The following ZNF106 variants were observed in gnomAD, a reference collection of about 807,000 sequenced individuals.
The protein encoded by ZNF106 is zinc finger protein 106, also known as SH3-domain binding protein 3.
Under a neutral mutation model 195.1 loss-of-function variants are expected in ZNF106, and 67 were observed. The observed-to-expected ratio is 0.34, with a 90% CI of 0.28 to 0.42. ZNF106 has a LOEUF of 0.42. Ranked by LOEUF, ZNF106 falls within the 10% of genes least tolerant of loss-of-function variation. The probability of loss-of-function intolerance (pLI) is 1.00; values close to 1 mark genes in which losing one functional copy is unlikely to be tolerated. For missense variants in ZNF106, 2,118 were observed against 2,304.5 expected, an observed-to-expected ratio of 0.92 and a Z score of 1.66; for synonymous variants, 784 against 818.6, an observed-to-expected ratio of 0.96 and a Z score of 0.72.
chr15:42,446,199 A>G (rs1289569656), intron 7 of ZNF106, among the ~76,000 whole-genome samples: 1 of 152,234 alleles, frequency 6.6e-6, no homozygotes, highest in Non-Finnish European at 1.5e-5. Flanking sequence ...GGCAACAAAA[A>G]TGTCCAAAAA....
Position 42,472,778 on chromosome 15 carries a change from G to A in ZNF106, c.-32-457C>T, listed in dbSNP as rs769891028. 3.9e-5 allele frequency among the ~76,000 whole-genome samples: 6 copies of A among 152,096 alleles called. 1 individual carries two copies. Among genetic ancestry groups the A allele is most frequent in the Non-Finnish European group, 7.4e-5 (5 of 68,026 alleles). ...TGTAATCCCAGCATTTTGGGAGGCCGACGCGGGCAGATCACGAGGTCAGGA... is the reference window on the plus strand; with the variant it reads ...TGTAATCCCAGCATTTTGGGAGGCCAACGCGGGCAGATCACGAGGTCAGGA... On this transcript the variant is annotated intron_variant, in intron 1 of 21. Transcript: ENST00000564754.
At chr15:42,486,257 CCTT>C (rs2057014395) in intron 1 of ZNF106, among the ~76,000 whole-genome samples, 1 of 151,924 alleles carries the variant, frequency 6.6e-6, no homozygotes, top group Non-Finnish European at 1.5e-5. Flanking sequence ...CGCGCCCAGC[CCTT>C]CTTTTTTTTT....
At chr15:42,459,697 A>T (rs1323498548) in intron 3 of ZNF106, among the ~76,000 whole-genome samples, 2 of 152,080 alleles carry the variant, frequency 1.3e-5, no homozygotes, top group Non-Finnish European at 2.9e-5. Flanking sequence ...AATCTACAAT[A>T]TCTCATTTAC....
chr15:42,426,551 T>C (rs57502147), intron 15 of ZNF106, among the ~76,000 whole-genome samples: 53,489 of 148,640 alleles, frequency 0.36, 12,454 homozygotes, highest in African/African-American at 0.66. Flanking sequence ...AGGCGTGTGC[T>C]ACCATACTTA....
At chr15:42,425,812 T>C (rs1347942544) in intron 15 of ZNF106, 2 of 152,258 alleles carry the variant, frequency 1.3e-5, no homozygotes, top group Non-Finnish European at 2.9e-5. Flanking sequence ...CTTATTATGA[T>C]GTTCTTCTGG....
intron 11 of ZNF106, 123 bp downstream of exon 11, chr15:42,438,909 CA>C (rs1477603379): frequency 4.5e-5 from 51 of 1,142,246 alleles, no homozygotes; most frequent in Non-Finnish European, 5.8e-5. Context: ...TCCATATCCA[CA>C]ATCTCTACTG....
At chr15:42,464,522 C>CT (rs928173954) in intron 3 of ZNF106, among the ~76,000 whole-genome samples, 5,014 of 113,416 alleles carry the variant, frequency 0.044, 265 homozygotes, top group African/African-American at 0.061. Context: ...ACACATGCTA[C>CT]TTTTTTTTTT....
At chr15:42,459,963 A>C (rs1317716982) in intron 3 of ZNF106, among the ~76,000 whole-genome samples, 1 of 151,818 alleles carries the variant, frequency 6.6e-6, no homozygotes, top group Non-Finnish European at 1.5e-5. Flanking sequence ...GAATCGCTTG[A>C]ACCTGGGAGG....
chr15:42,450,304 CT>C lies in ZNF106; in HGVS notation c.1967del (p.Lys656ArgfsTer14). The C allele has an allele frequency of 6.2e-7, 1 of 1,614,146 alleles. No individual in the cohort carries two copies. The highest frequency in any genetic ancestry group is 8.5e-7 in the Non-Finnish European group (1 of 1,180,038). ...DEKEEDDRILKTSRELSTSPC... is the reference protein window; with the variant it reads ...DEKEEDDRILXTSRELSTSPC... ...GGGAAGTGGATAGCTCTCTAGAAGT[CT>C]TCAGGATGCGGTCATCCTCCTCTTT... On this transcript the variant is annotated frameshift_variant, in exon 5 of 22. Coordinates refer to ENST00000564754, the MANE Select transcript of ZNF106 (RefSeq NM_001366845.3). LOFTEE classifies it high-confidence loss of function.
chr15:42,417,444 T>C, intron 21 of ZNF106, 84 bp from the exon 22 acceptor site: 1 of 1,526,212 alleles, frequency 6.6e-7, no homozygotes, highest in Non-Finnish European at 9.0e-7. Context: ...GCCATGTGGG[T>C]CCATTCCACC....
chr15:42,456,342 T>C (rs968054313), intron 4 of ZNF106, among the ~76,000 whole-genome samples: 15 of 152,200 alleles, frequency 9.9e-5, no homozygotes, highest in African/African-American at 2.2e-4. Context: ...TAAAAACTTA[T>C]TGGTATTCAA....
chr15:42,453,258 G>T (rs913227712), intron 4 of ZNF106, among the ~76,000 whole-genome samples: 14 of 152,276 alleles, frequency 9.2e-5, no homozygotes, highest in Non-Finnish European at 1.0e-4. Context: ...GAGGAAAATA[G>T]CATATACCAA....
intron 14 of ZNF106, among the ~76,000 whole-genome samples, chr15:42,429,132 A>G (rs1440568916): frequency 6.6e-6 from 1 of 151,750 alleles, no homozygotes; most frequent in Admixed American, 6.6e-5. Flanking sequence ...TTGGGACAGG[A>G]CATAGTAAAT....
chr15:42,428,101 C>T lies in ZNF106; in HGVS notation c.4915G>A (p.Asp1639Asn). ...CTACTGTGGAGGCAGAGGACCCGGT[C>T]TTCCAGCTGTAACTGCTCCACACAC... ...RECVEQLQLE[D>N]RVLCLHSRWR... is the part of the protein sequence containing the mutation. Residue 1639 changes from aspartate to asparagine, a missense_variant, in exon 15 of 22, where the codon GAC (aspartate) becomes AAC (asparagine). Transcript: ENST00000564754. 1.2e-6 allele frequency: 2 copies of T among 1,614,096 alleles called. No individual in the cohort carries two copies. The highest frequency in any genetic ancestry group is 1.7e-6 in the Non-Finnish European group (2 of 1,179,994).
chr15:42,453,955 T>C (rs1031425753), intron 4 of ZNF106, among the ~76,000 whole-genome samples: 9 of 152,164 alleles, frequency 5.9e-5, no homozygotes, highest in South Asian at 2.1e-4. Flanking sequence ...TAGAATAAGA[T>C]AGCCAGAAAG....
Position 42,415,739 on chromosome 15 carries a change from G to GT in ZNF106, c.*1564dup, listed in dbSNP as rs577185237. ...AATTTTATCTCTCTGAAGAAGCTGA[G>GT]TTTTTTTTTTTTTTTTTGAGACGGA... is the stretch of plus-strand genomic sequence containing the variant. On this transcript the variant is annotated 3_prime_UTR_variant, in exon 22 of 22. Coordinates refer to ENST00000564754, the MANE Select transcript of ZNF106 (RefSeq NM_001366845.3). 0.019 allele frequency: 2,904 copies of GT among 149,938 alleles called. 7 individuals carry two copies. Among genetic ancestry groups the GT allele is most frequent in the South Asian group, 0.06 (389 of 6,478 alleles). 9.3% of individuals were successfully genotyped at this position (149,938 alleles called of 1,614,324 possible).
At chr15:42,470,788 A>G (rs2056648733) in intron 2 of ZNF106, among the ~76,000 whole-genome samples, 1 of 152,162 alleles carries the variant, frequency 6.6e-6, no homozygotes, top group South Asian at 2.1e-4. Flanking sequence ...CCTCTGTCCA[A>G]CGTGAAAGTA....
intron 1 of ZNF106, among the ~76,000 whole-genome samples, chr15:42,486,435 AT>A (rs991995267): frequency 6.6e-6 from 1 of 151,906 alleles, no homozygotes; most frequent in African/African-American, 2.4e-5. Flanking sequence ...AATTTTTAAA[AT>A]TTTTTGTAGA....
rs1400492612 is a variant in ZNF106, at chr15:42,472,318, A to T, written c.-29T>A. 2.0e-6 allele frequency: 3 copies of T among 1,533,084 alleles called. No individual in the cohort carries two copies. The highest frequency in any genetic ancestry group is 4.9e-5 in the East Asian group (2 of 40,852). The allele number at this position is 1,533,084 out of a possible 1,614,324, so 95.0% of individuals were successfully genotyped here. A position where few individuals can be genotyped will look rare whatever the true frequency, so the allele number is the denominator to read the frequency against. ...GACCAGATCTGAAGCACTCAACGTC[A>T]CAGCTGCAATGAGGAAGTAACATTT... is the stretch of plus-strand genomic sequence containing the variant. On this transcript the variant is annotated 5_prime_UTR_variant, in exon 2 of 22. Coordinates refer to ENST00000564754, the MANE Select transcript of ZNF106 (RefSeq NM_001366845.3).
Sources: gnomAD v4.1 joint callset for allele counts (sites outside exome capture counted in the v4.1 genomes callset) on GRCh38, gnomAD v4.1.1 for gene constraint, MANE v1.5 for transcripts, NCBI Gene and HGNC (gene_info 2026-07-23, HGNC 2026-07-21) for gene names.